The following URGCP variants were observed in gnomAD, a reference collection of about 807,000 sequenced individuals.
The protein encoded by URGCP is up-regulator of cell proliferation.
A neutral mutation model predicts 24.6 loss-of-function variants in URGCP; 13 were observed. The ratio of observed to expected loss-of-function variants is 0.53; its 90% CI spans 0.34 to 0.84. The LOEUF is 0.84. URGCP is among the 40% of genes least tolerant of loss of function. URGCP has a pLI of 0.01. For synonymous variants in URGCP, 444 were observed against 487.2 expected, an observed-to-expected ratio of 0.91 and a Z score of 1.17; for missense variants, 899 against 1,194.3, an observed-to-expected ratio of 0.75 and a Z score of 3.64.
intron 1 of URGCP, among the ~76,000 whole-genome samples, chr7:43,901,492 G>A (rs1416266050): frequency 2.6e-5 from 4 of 152,224 alleles, no homozygotes; most frequent in Non-Finnish European, 5.9e-5. Context: ...TCCCACATCC[G>A]TGAGCAGAGA....
upstream of URGCP, chr7:43,910,595 C>T (rs28399759): frequency 0.075 from 11,456 of 151,922 alleles, 580 homozygotes; most frequent in African/African-American, 0.14. Context: ...TGGCTCACAC[C>T]TTTAATCCCA....
chr7:43,924,679 T>C (rs2095926548), intron 1 of URGCP, among the ~76,000 whole-genome samples: 1 of 152,174 alleles, frequency 6.6e-6, no homozygotes, highest in Non-Finnish European at 1.5e-5. Context: ...AGGTGAATGC[T>C]CTAGTCAAGG....
Position 43,878,690 on chromosome 7 carries a change from G to A in URGCP, c.773C>T (p.Ser258Phe), listed in dbSNP as rs768081869. The A allele has an allele frequency of 1.2e-6, 2 of 1,613,894 alleles. No individual in the cohort carries two copies. The highest frequency in any genetic ancestry group is 1.7e-6 in the Non-Finnish European group (2 of 1,180,030). ...CACGAAGGCGAAGGCGGGCGCCCTGGACAAGACCACGCTGTCTTCCCGGAA... is the reference window on the plus strand; with the variant it reads ...CACGAAGGCGAAGGCGGGCGCCCTGAACAAGACCACGCTGTCTTCCCGGAA... ...GSFREDSVVL[S>F]RAPAFAFVRM... is the part of the protein sequence containing the mutation. The change falls in exon 6 of 6, where the codon TCC (serine) becomes TTC (phenylalanine). Residue 258 changes from serine (S) to phenylalanine (F), a missense_variant. Coordinates refer to ENST00000453200, the MANE Select transcript of URGCP (RefSeq NM_001077663.3). The surrounding 1 kb of genome is among the most constrained non-coding windows in gnomAD (Gnocchi z 5.6).
intron 1 of URGCP, chr7:43,918,800 C>A: frequency 9.3e-7 from 1 of 1,077,220 alleles, no homozygotes; most frequent in Non-Finnish European, 1.4e-6. Context: ...GCCCCAAGGG[C>A]ACCATGGAGG....
intron 1 of URGCP, among the ~76,000 whole-genome samples, chr7:43,921,282 C>G (rs969371271): frequency 6.6e-6 from 1 of 151,222 alleles, no homozygotes. Context: ...GCTGAGATCA[C>G]GCCACTGCAC....
upstream of URGCP, among the ~76,000 whole-genome samples, chr7:43,909,488 AG>A (rs757688669): frequency 6.6e-6 from 1 of 152,184 alleles, no homozygotes; most frequent in Non-Finnish European, 1.5e-5. Context: ...GCACTTTGGG[AG>A]GCCGAGGCGG....
chr7:43,897,572 G>A (rs1238119318), intron 1 of URGCP, among the ~76,000 whole-genome samples: 1 of 151,620 alleles, frequency 6.6e-6, no homozygotes, highest in Admixed American at 6.6e-5. Flanking sequence ...GCTTTGGGGA[G>A]GAAGAGGAAG....
chr7:43,889,128 G>C lies in URGCP; in HGVS notation c.15-1312C>G, dbSNP rs1366515759. ...TGGATAATAAATACATGGGCAGAAA[G>C]AGAAGGCTCTCTTGCTCACATCAGA... On this transcript the variant is annotated intron_variant, in intron 1 of 5. Transcript: ENST00000453200. The C allele has an allele frequency of 2.6e-5, 4 of 152,358 alleles. No homozygotes were observed. The East Asian group carries it at 7.7e-4, about 29-fold the overall frequency. 9.4% of individuals were successfully genotyped at this position (152,358 alleles called of 1,614,324 possible). A position where few individuals can be genotyped will look rare whatever the true frequency, so the allele number is the denominator to read the frequency against.
At chr7:43,920,021 T>C (rs1195232819) in intron 1 of URGCP, 2 of 1,323,874 alleles carry the variant, frequency 1.5e-6, no homozygotes, top group South Asian at 2.4e-5. Context: ...CATGGCCACA[T>C]GGCCAGACTA....
At chr7:43,881,331 G>C in intron 5 of URGCP, 1 of 669,704 alleles carries the variant, frequency 1.5e-6, no homozygotes, top group Non-Finnish European at 2.7e-6. Context: ...CTGTACATTA[G>C]AATCAATCAC....
Position 43,890,097 on chromosome 7 carries a change from G to T in URGCP, c.15-2281C>A, listed in dbSNP as rs544681086. ...TTTTTGTATTTTTAATAGAGACAGG[G>T]TTTCACCATATTGGTCAGGCTGGTC... On this transcript the variant is annotated intron_variant, in intron 1 of 5. Coordinates refer to ENST00000453200, the MANE Select transcript of URGCP (RefSeq NM_001077663.3). 2.9e-4 allele frequency among the ~76,000 whole-genome samples: 44 copies of T among 151,148 alleles called. 1 individual carries two copies. Among genetic ancestry groups the T allele is most frequent in the Middle Eastern group, 3.4e-3 (1 of 294 alleles).
Position 43,876,337 on chromosome 7 carries a change from C to T in URGCP, c.*330G>A. On this transcript the variant is annotated 3_prime_UTR_variant, in exon 6 of 6. Coordinates refer to ENST00000453200, the MANE Select transcript of URGCP (RefSeq NM_001077663.3). ...GGGCCTGCAGTGACTAAGGACGCTG[C>T]TCCCACTCCAGGGGCCAGTGACAGA... 8 of 287,290 alleles carry T rather than the reference C, an allele frequency of 2.8e-5. No individual in the cohort carries two copies. In the South Asian group the frequency reaches 3.5e-4, roughly 13 times the overall value. 17.8% of individuals were successfully genotyped at this position (287,290 alleles called of 1,614,324 possible). A position where few individuals can be genotyped will look rare whatever the true frequency, so the allele number is the denominator to read the frequency against.
chr7:43,882,107 G>A lies in URGCP; in HGVS notation c.113-150C>T, dbSNP rs186554117. 6.5e-4 allele frequency: 869 copies of A among 1,343,024 alleles called. 3 individuals carry two copies. Among genetic ancestry groups the A allele is most frequent in the Non-Finnish European group, 7.8e-4 (787 of 1,005,768 alleles). 83.2% of individuals were successfully genotyped at this position (1,343,024 alleles called of 1,614,324 possible). A position where few individuals can be genotyped will look rare whatever the true frequency, so the allele number is the denominator to read the frequency against. The stretch of plus-strand genomic sequence containing the variant: ...GAGTCCAGGAGTTTGAGACCAGCCT[G>A]GGCAACAAAGCAAGACCCTGTGTCT... On this transcript the variant is annotated intron_variant, in intron 3 of 5. Transcript: ENST00000453200.
At chr7:43,913,142 C>T (rs780900935) in intron 1 of URGCP, among the ~76,000 whole-genome samples, 43 of 152,176 alleles carry the variant, frequency 2.8e-4, no homozygotes, top group Admixed American at 5.9e-4. Flanking sequence ...TGAGCCATCC[C>T]GCCCAGCCTC....
At chr7:43,879,708 G>C (rs1055754725) in intron 5 of URGCP, 2 of 156,982 alleles carry the variant, frequency 1.3e-5, no homozygotes, top group African/African-American at 4.8e-5. Context: ...CAGAGTCACC[G>C]GGAAGTTCCC....
rs975091503 is a variant in URGCP at position 43,877,387 on chromosome 7, C to T, written c.2076G>A (p.Leu692=). The change falls in exon 6 of 6, where the codon CTG becomes CTA. Residue 692 remains leucine (L), a synonymous_variant. Transcript: ENST00000453200. The part of the protein sequence containing the change: ...LHVRLERRSR[L]VVLSTVGVPG... The stretch of plus-strand genomic sequence containing the variant: ...GCACCCCGACGGTTGACAGAACCAC[C>T]AGCCTTGACCGTCTCTCCAGTCGGA... 4 of 1,613,010 alleles carry T rather than the reference C, an allele frequency of 2.5e-6. No homozygotes were observed. Among genetic ancestry groups the T allele is most frequent in the Non-Finnish European group, 3.4e-6 (4 of 1,180,012 alleles).
chr7:43,885,942 A>G (rs966303801), intron 3 of URGCP, among the ~76,000 whole-genome samples: 6 of 152,240 alleles, frequency 3.9e-5, no homozygotes, highest in Admixed American at 3.9e-4. Context: ...ATGTGGAGAA[A>G]CTAAAGGGCT....
chr7:43,881,483 T>TG (rs373646456), intron 5 of URGCP, among the ~76,000 whole-genome samples, 176 bp downstream of exon 5: 1 of 150,998 alleles, frequency 6.6e-6, no homozygotes, highest in African/African-American at 2.5e-5. Flanking sequence ...GGTTTTTTTT[T>TG]TTTTTTTTTT....
At chr7:43,899,233 A>T (rs2095885112) in intron 1 of URGCP, among the ~76,000 whole-genome samples, 1 of 147,496 alleles carries the variant, frequency 6.8e-6, no homozygotes. Context: ...ATATTTATAT[A>T]TATAATAAAA....
Sources: gnomAD v4.1 joint callset for allele counts (sites outside exome capture counted in the v4.1 genomes callset) on GRCh38, gnomAD v4.1.1 for gene constraint, Gnocchi (gnomAD v3.1) non-coding constraint, MANE v1.5 for transcripts, NCBI Gene and HGNC (gene_info 2026-07-23, HGNC 2026-07-21) for gene names.